Variants in CELF4 observed in about 807,000 individuals in gnomAD.
The protein encoded by CELF4 is CUGBP Elav-like family member 4, also known as CUG-BP- and ETR-3-like factor 4.
CELF4 carries 18 observed loss-of-function variants against 59.9 expected under a neutral mutation model. That is an observed-to-expected ratio of 0.30 (90% CI 0.21 to 0.45). The LOEUF is 0.45. Ranked by LOEUF, CELF4 falls within the 20% of genes least tolerant of loss-of-function variation. The probability of loss-of-function intolerance (pLI) is 1.00; values close to 1 mark genes in which losing one functional copy is unlikely to be tolerated. For synonymous variants in CELF4, 261 were observed against 267.1 expected, an observed-to-expected ratio of 0.98 and a Z score of 0.22; for missense variants, 456 against 689.0, an observed-to-expected ratio of 0.66 and a Z score of 3.79.
chr18:37,291,821 A>T (rs954338154), intron 3 of CELF4, among the ~76,000 whole-genome samples: 1 of 152,112 alleles, frequency 6.6e-6, no homozygotes, highest in Non-Finnish European at 1.5e-5. Flanking sequence ...CCATAATCAG[A>T]TTCAGCCTCT....
chr18:37,356,196 C>CCACT (rs2098562516), intron 2 of CELF4, among the ~76,000 whole-genome samples: 1 of 152,202 alleles, frequency 6.6e-6, no homozygotes, highest in Non-Finnish European at 1.5e-5. Context: ...GCCATCAAAG[C>CCACT]CACTTAGTTG....
At chr18:37,389,872 G>A (rs1347907782) in intron 2 of CELF4, among the ~76,000 whole-genome samples, 1 of 152,240 alleles carries the variant, frequency 6.6e-6, no homozygotes, top group Non-Finnish European at 1.5e-5. Flanking sequence ...CACAGGCACA[G>A]AGTCATGCAC....
At chr18:37,319,178 G>C (rs761890067) in intron 3 of CELF4, among the ~76,000 whole-genome samples, 7 of 152,184 alleles carry the variant, frequency 4.6e-5, no homozygotes, top group Non-Finnish European at 8.8e-5. Context: ...CCTGGGTGAC[G>C]GTCTCCAGGA....
At chr18:37,325,638 C>G (rs907937826) in intron 2 of CELF4, among the ~76,000 whole-genome samples, 2 of 152,224 alleles carry the variant, frequency 1.3e-5, no homozygotes, top group Non-Finnish European at 2.9e-5. Context: ...ACCCCTCACA[C>G]ACAGGCCCCT....
chr18:37,494,591 T>C (rs9946610), intron 1 of CELF4, among the ~76,000 whole-genome samples: 28,875 of 152,154 alleles, frequency 0.19, 3,117 homozygotes, highest in South Asian at 0.34. Context: ...ATGTGCATGA[T>C]CTCACCATTC....
intron 2 of CELF4, among the ~76,000 whole-genome samples, chr18:37,389,826 G>A (rs150481093): frequency 1.0e-3 from 157 of 152,296 alleles, no homozygotes; most frequent in African/African-American, 3.6e-3. Context: ...GGCACATAAA[G>A]CCATGCACAG....
rs1471537683 is a variant in CELF4, at chr18:37,267,699, C to G, written c.1100-1101G>C. ...TAGGGAGAGTGCCTCAACTTCCCTCCTGAGCACGTTTCCCTGAGTATCTCA... is the reference window on the plus strand; with the variant it reads ...TAGGGAGAGTGCCTCAACTTCCCTCGTGAGCACGTTTCCCTGAGTATCTCA... On this transcript the variant is annotated intron_variant, in intron 8 of 12. Transcript: ENST00000420428. Among the ~76,000 whole-genome samples, 4 of 152,304 alleles carry G rather than the reference C, an allele frequency of 2.6e-5. No homozygotes were observed. The East Asian group carries it at 7.7e-4, about 29-fold the overall frequency.
At chr18:37,370,746 C>T (rs1363307996) in intron 2 of CELF4, among the ~76,000 whole-genome samples, 1 of 152,194 alleles carries the variant, frequency 6.6e-6, no homozygotes, top group Admixed American at 6.5e-5. Flanking sequence ...GTTGGCCCTG[C>T]TCAGCTTCAC....
At chr18:37,331,600 G>A (rs1486382672) in intron 2 of CELF4, among the ~76,000 whole-genome samples, 1 of 152,120 alleles carries the variant, frequency 6.6e-6, no homozygotes, top group African/African-American at 2.4e-5. Flanking sequence ...GGGTCTCAGA[G>A]GCATGAGCGA....
At chr18:37,386,391 G>GT (rs1458451214) in intron 2 of CELF4, among the ~76,000 whole-genome samples, 4 of 152,198 alleles carry the variant, frequency 2.6e-5, no homozygotes, top group African/African-American at 9.7e-5. Context: ...GCTGAGCGAG[G>GT]ATACCTTGCG....
At chr18:37,324,909 A>T (rs963899796) in intron 2 of CELF4, among the ~76,000 whole-genome samples, 1 of 152,188 alleles carries the variant, frequency 6.6e-6, no homozygotes, top group African/African-American at 2.4e-5. Flanking sequence ...GTAAATGGTG[A>T]TATCAAGATG....
At chr18:37,304,744 CCTG>C (rs1210474550) in intron 3 of CELF4, among the ~76,000 whole-genome samples, 3 of 152,202 alleles carry the variant, frequency 2.0e-5, no homozygotes, top group African/African-American at 7.2e-5. Flanking sequence ...CCTCAGCCGC[CCTG>C]CCACTATGGG....
chr18:37,303,911 C>A (rs993461285), intron 3 of CELF4, among the ~76,000 whole-genome samples: 52 of 152,322 alleles, frequency 3.4e-4, no homozygotes, highest in Admixed American at 3.3e-4. Context: ...CTCCTGGAGA[C>A]AAGTCCCTGG....
At chr18:37,380,550 C>G (rs139288881) in intron 2 of CELF4, among the ~76,000 whole-genome samples, 472 of 152,226 alleles carry the variant, frequency 3.1e-3, no homozygotes, top group Non-Finnish European at 5.8e-3. Context: ...CTCCATCCAT[C>G]TATCCATTCT....
At chr18:37,280,586 C>A (rs1189665036) in intron 3 of CELF4, among the ~76,000 whole-genome samples, 1 of 152,190 alleles carries the variant, frequency 6.6e-6, no homozygotes, top group Non-Finnish European at 1.5e-5. Flanking sequence ...ACTAGCTACA[C>A]CCTGATGGCT....
In CELF4 at chr18:37,253,270, T is replaced by G. The variant is rs1278195745; in HGVS notation, c.*44+497A>C. Among the ~76,000 whole-genome samples the G allele has an allele frequency of 2.0e-5, 3 of 152,172 alleles. No homozygotes were observed. The highest frequency in any genetic ancestry group is 4.8e-5 in the African/African-American group (2 of 41,448). On this transcript the variant is annotated intron_variant, in intron 12 of 12. Coordinates refer to ENST00000420428, the MANE Select transcript of CELF4 (RefSeq NM_020180.4). The surrounding 1 kb of genome is among the most constrained non-coding windows in gnomAD (Gnocchi z 4.5). ...AAGATCCTGTCCTTCCTCTCTTCAC[T>G]GAGCTATGGGGAAAGACAGGGGTGC...
chr18:37,362,812 C>T (rs1162136424), intron 2 of CELF4, among the ~76,000 whole-genome samples: 1 of 152,252 alleles, frequency 6.6e-6, no homozygotes, highest in East Asian at 1.9e-4. Flanking sequence ...GGGCCTCCCT[C>T]ACATCTCATT....
At chr18:37,345,938 G>A (rs2098240650) in intron 2 of CELF4, among the ~76,000 whole-genome samples, 1 of 152,134 alleles carries the variant, frequency 6.6e-6, no homozygotes, top group Non-Finnish European at 1.5e-5. Flanking sequence ...CTGGCCCCCG[G>A]AGCCCCCAGG....
chr18:37,361,317 T>G (rs959063030), intron 2 of CELF4, among the ~76,000 whole-genome samples: 1 of 152,196 alleles, frequency 6.6e-6, no homozygotes, highest in Admixed American at 6.5e-5. Flanking sequence ...ATGGGGTTTT[T>G]GGTTGTGCCT....
Sources: allele counts gnomAD v4.1 joint callset (sites outside exome capture counted in the v4.1 genomes callset), GRCh38; gene constraint gnomAD v4.1.1; non-coding constraint Gnocchi (gnomAD v3.1); transcripts MANE v1.5; gene names NCBI Gene and HGNC (gene_info 2026-07-23, HGNC 2026-07-21).